RTTN: variants seen among roughly 807,000 people sequenced by gnomAD.
The protein encoded by RTTN is rotatin.
A neutral mutation model predicts 269.2 loss-of-function variants in RTTN; 182 were observed. The ratio of observed to expected loss-of-function variants is 0.68; its 90% CI spans 0.60 to 0.76. The LOEUF is 0.76. Ranked by LOEUF, RTTN falls within the 30% of genes least tolerant of loss-of-function variation. The pLI is 0.00. For missense variants in RTTN, 2,545 were observed against 2,608.6 expected (o/e 0.98, Z 0.53); for synonymous variants, 1,006 against 963.5 (o/e 1.04, Z -0.82).
At chr18:70,095,939 G>A (rs2058990741) in intron 28 of RTTN, among the ~76,000 whole-genome samples, 1 of 151,404 alleles carries the variant, frequency 6.6e-6, no homozygotes, top group Non-Finnish European at 1.5e-5. Flanking sequence ...TCAATCAAAC[G>A]TAGGTTCACT....
chr18:70,062,713 G>A (rs532983391), intron 35 of RTTN, among the ~76,000 whole-genome samples: 1 of 150,672 alleles, frequency 6.6e-6, no homozygotes, highest in East Asian at 2.0e-4. Flanking sequence ...CTGGGCTCAA[G>A]TGCTCCTCCC....
chr18:70,102,563 C>A (rs2059198691), intron 28 of RTTN, among the ~76,000 whole-genome samples: 1 of 152,146 alleles, frequency 6.6e-6, no homozygotes, highest in African/African-American at 2.4e-5. Context: ...AGCATTTAGA[C>A]CATTTACATT....
intron 38 of RTTN, among the ~76,000 whole-genome samples, chr18:70,052,721 A>C (rs1403213396): frequency 1.3e-5 from 2 of 150,716 alleles, no homozygotes; most frequent in South Asian, 4.2e-4. Context: ...CAATATAATA[A>C]ATTCTTATAA....
chr18:70,052,637 T>C (rs948708146), intron 38 of RTTN, among the ~76,000 whole-genome samples: 4 of 92,920 alleles, frequency 4.3e-5, no homozygotes, highest in Non-Finnish European at 7.8e-5. Context: ...ATGTAATTTA[T>C]TTACTTATAT....
chr18:70,022,553 C>G (rs990000565), intron 44 of RTTN, among the ~76,000 whole-genome samples: 8 of 152,122 alleles, frequency 5.3e-5, no homozygotes, highest in African/African-American at 1.9e-4. Context: ...TTTCTTTGTC[C>G]TCTTAAGAGT....
chr18:70,190,040 T>C (rs2061634946), intron 9 of RTTN, among the ~76,000 whole-genome samples: 1 of 152,192 alleles, frequency 6.6e-6, no homozygotes, highest in Non-Finnish European at 1.5e-5. Flanking sequence ...ACATGTTAAG[T>C]GGCTTAAGTA....
At chr18:70,177,332 C>T (rs2061327700) in intron 10 of RTTN, among the ~76,000 whole-genome samples, 3 of 152,074 alleles carry the variant, frequency 2.0e-5, no homozygotes, top group Admixed American at 6.5e-5. Flanking sequence ...AGAAATGCAT[C>T]AAGGAAAGTC....
intron 32 of RTTN, among the ~76,000 whole-genome samples, chr18:70,083,040 A>G (rs2058611867): frequency 6.6e-6 from 1 of 152,108 alleles, no homozygotes; most frequent in Non-Finnish European, 1.5e-5. Flanking sequence ...AACAAGACCA[A>G]TGTTTGTAAA....
intron 45 of RTTN, among the ~76,000 whole-genome samples, chr18:70,020,088 A>C (rs73466746): frequency 0.02 from 2,976 of 152,300 alleles, 83 homozygotes; most frequent in African/African-American, 0.068. Context: ...AACTCATTAC[A>C]TCCCTTTTAA....
At position 70,030,059 on chromosome 18, in the gene RTTN, G is replaced by C; in HGVS notation, c.5698C>G (p.Leu1900Val). The C allele has an allele frequency of 6.2e-7, 1 of 1,612,936 alleles. No individual in the cohort carries two copies. Among genetic ancestry groups the C allele is most frequent in the Non-Finnish European group, 8.5e-7 (1 of 1,179,608 alleles). Residue 1900 changes from leucine to valine, a missense_variant, in exon 42 of 49, where the codon CTG becomes GTG. Leu to Val is a conservative substitution (Grantham distance 32). Coordinates refer to ENST00000640769, the MANE Select transcript of RTTN (RefSeq NM_173630.4). ...MEQMKHINAQ[L>V]NLDSLRPGKA... Reference sequence around the variant, plus strand: ...CCAGGCCTCAGAGAATCTAGGTTCAGTTGTGCATTTATGTGTTTCATCTGC... The same window carrying C: ...CCAGGCCTCAGAGAATCTAGGTTCACTTGTGCATTTATGTGTTTCATCTGC...
intron 11 of RTTN, among the ~76,000 whole-genome samples, chr18:70,176,200 G>GATGTATATGTATATGTAT (rs71816542): frequency 9.4e-4 from 129 of 137,674 alleles, no homozygotes; most frequent in African/African-American, 2.9e-3. Context: ...TGTAGATGTA[G>GATGTATATGTATATGTAT]ATGTATATGT....
intron 25 of RTTN, among the ~76,000 whole-genome samples, chr18:70,124,197 T>A (rs556786040): frequency 6.6e-6 from 1 of 151,970 alleles, no homozygotes; most frequent in African/African-American, 2.4e-5. Context: ...AAGGACAGAA[T>A]AACAGGTAGA....
At chr18:70,105,301 C>T (rs1034127582) in intron 28 of RTTN, among the ~76,000 whole-genome samples, 1 of 152,198 alleles carries the variant, frequency 6.6e-6, no homozygotes, top group South Asian at 2.1e-4. Context: ...CCAAGCCAGG[C>T]GTGGGATATA....
chr18:70,104,431 G>A (rs544792046), intron 28 of RTTN, among the ~76,000 whole-genome samples: 35 of 152,110 alleles, frequency 2.3e-4, no homozygotes, highest in Admixed American at 8.5e-4. Context: ...TGATGGGTTC[G>A]AACATCCTCC....
Position 70,024,752 on chromosome 18 carries a change from G to A in RTTN, c.5920C>T (p.Leu1974Phe), listed in dbSNP as rs1306123032. Residue 1974 changes from leucine (L) to phenylalanine (F), a missense_variant, in exon 44 of 49, where the codon CTT becomes TTT. Transcript: ENST00000640769. Reference protein sequence around the residue: ...DSLMQISLQLLCVYTANFPNG... With the variant: ...DSLMQISLQLFCVYTANFPNG... ...GGAAAATTTGCAGTATAGACACAAA[G>A]GAGCTGCAGAGAAATTTGCATCAAT... 6.2e-7 allele frequency: 1 copy of A among 1,613,722 alleles called. No homozygotes were observed. The highest frequency in any genetic ancestry group is 1.3e-5 in the African/African-American group (1 of 74,898).
At chr18:70,099,928 C>G (rs1379297864) in intron 28 of RTTN, among the ~76,000 whole-genome samples, 1 of 152,124 alleles carries the variant, frequency 6.6e-6, no homozygotes, top group South Asian at 2.1e-4. Flanking sequence ...CTGTTCTGTT[C>G]CATTGGTCTA....
At chr18:70,117,812 G>C (rs2059637877) in intron 26 of RTTN, among the ~76,000 whole-genome samples, 2 of 151,764 alleles carry the variant, frequency 1.3e-5, no homozygotes, top group African/African-American at 4.8e-5. Context: ...TAAAAAACTA[G>C]AAGTCACCAA....
intron 11 of RTTN, among the ~76,000 whole-genome samples, chr18:70,173,488 A>C (rs1185135818): frequency 7.0e-6 from 1 of 142,350 alleles, no homozygotes; most frequent in African/African-American, 2.7e-5. Context: ...CAAGACTCCA[A>C]CTCAAAAAAA....
At chr18:70,106,345 A>C (rs1293031838) in intron 28 of RTTN, among the ~76,000 whole-genome samples, 1 of 152,220 alleles carries the variant, frequency 6.6e-6, no homozygotes, top group Non-Finnish European at 1.5e-5. Flanking sequence ...CCCTGTCTCA[A>C]AGAAATAAAG....
Sources: allele counts gnomAD v4.1 joint callset (sites outside exome capture counted in the v4.1 genomes callset), GRCh38; gene constraint gnomAD v4.1.1; transcripts MANE v1.5; gene names NCBI Gene and HGNC (gene_info 2026-07-23, HGNC 2026-07-21).